The following TMEM160 variants were observed in gnomAD, a reference collection of about 807,000 sequenced individuals.
TMEM160 encodes the protein transmembrane protein 160.
A neutral mutation model predicts 13.9 loss-of-function variants in TMEM160; 10 were observed. That is an observed-to-expected ratio of 0.72 (90% CI 0.45 to 1.22). TMEM160 has a LOEUF of 1.22. Ranked by LOEUF, TMEM160 falls within the 50% of genes most tolerant of loss-of-function variation. The pLI is 0.00. For synonymous variants in TMEM160, 159 were observed against 134.8 expected (o/e 1.18, Z -1.25); for missense variants, 287 against 283.2 (o/e 1.01, Z -0.10).
At chr19:47,047,868 AAAC>A in intron 1 of TMEM160, 1 of 984,208 alleles carries the variant, frequency 1.0e-6, no homozygotes, top group Non-Finnish European at 1.2e-6. Flanking sequence ...ATTAAAAAAA[AAAC>A]AAACATGGCC....
At chr19:47,048,292 C>A (rs1305472840) in intron 1 of TMEM160, 115 bp downstream of exon 1, 11 of 969,174 alleles carry the variant, frequency 1.1e-5, no homozygotes, top group African/African-American at 1.8e-5. Context: ...CACTGAAGCC[C>A]TTCTCGGAGC....
intron 1 of TMEM160, among the ~76,000 whole-genome samples, 190 bp downstream of exon 1, chr19:47,048,217 C>T (rs956420238): frequency 4.2e-4 from 64 of 152,222 alleles, no homozygotes; most frequent in Non-Finnish European, 3.8e-4. Flanking sequence ...GGTCCTCGTC[C>T]TCCCCGCAAG....
chr19:47,046,533 A>C (rs1862499), intron 2 of TMEM160, 60 bp downstream of exon 2: 1 of 1,367,090 alleles, frequency 7.3e-7, no homozygotes, highest in South Asian at 1.2e-5. Flanking sequence ...TCACCAGGGC[A>C]GGTGATAGGG....
chr19:47,048,074 C>G (rs573734328), intron 1 of TMEM160, among the ~76,000 whole-genome samples: 1 of 152,116 alleles, frequency 6.6e-6, no homozygotes, highest in South Asian at 2.1e-4. Context: ...TCGGGATGGA[C>G]CCATCTTGTA....
chr19:47,046,795 CAGCCGCAAGGCA>C, intron 1 of TMEM160, 110 bp from the exon 2 acceptor site: 1 of 804,176 alleles, frequency 1.2e-6, no homozygotes, highest in Non-Finnish European at 2.1e-6. Flanking sequence ...CCATCCCATC[CAGCCGCAAGGCA>C]AGCCCATCCC....
chr19:47,046,676 G>A lies in TMEM160; in HGVS notation c.218C>T (p.Ser73Phe). The change falls in exon 2 of 3, where the codon TCC becomes TTC. Residue 73 changes from serine to phenylalanine, a missense_variant. Ser to Phe is a radical substitution (Grantham distance 155). Coordinates refer to ENST00000253047, the MANE Select transcript of TMEM160 (RefSeq NM_017854.2). ...LRKAHETAFL[S>F]WFRNGLLASG... ...TGCCAGGAGGCCATTGCGGAACCAGGAGAGGAAGGCTGGAGGGAGGGGGAC... is the reference window on the plus strand; with the variant it reads ...TGCCAGGAGGCCATTGCGGAACCAGAAGAGGAAGGCTGGAGGGAGGGGGAC... The A allele has an allele frequency of 1.2e-6, 2 of 1,612,864 alleles. No homozygotes were observed. The highest frequency in any genetic ancestry group is 1.7e-6 in the Non-Finnish European group (2 of 1,179,726).
rs772204961 is a variant in TMEM160, at chr19:47,048,515, G to C, written c.100C>G (p.Arg34Gly). The C allele has an allele frequency of 2.0e-6, 3 of 1,469,594 alleles. No homozygotes were observed. In the South Asian group the frequency reaches 3.9e-5, roughly 19 times the overall value. 91.0% of individuals were successfully genotyped at this position (1,469,594 alleles called of 1,614,324 possible). A position where few individuals can be genotyped will look rare whatever the true frequency, so the allele number is the denominator to read the frequency against. ...PPQRPRSGGARGSFAPGHGPR... is the reference protein window; with the variant it reads ...PPQRPRSGGAGGSFAPGHGPR... ...CCGTGGCCGGGGGCGAAGGACCCCC[G>C]GGCGCCCCCGCTCCGGGGCCGCTGA... Residue 34 changes from arginine to glycine, a missense_variant, in exon 1 of 3, where the codon CGG (arginine) becomes GGG (glycine). By Grantham distance (125) the Arg-to-Gly change is moderately radical. Transcript: ENST00000253047.
chr19:47,048,105 G>A (rs1402517948), intron 1 of TMEM160, among the ~76,000 whole-genome samples: 1 of 150,202 alleles, frequency 6.7e-6, no homozygotes, highest in East Asian at 1.9e-4. Context: ...CAGACCCTAA[G>A]CTCTCCCTGA....
intron 1 of TMEM160, chr19:47,047,448 G>T (rs1374042118): frequency 1.0e-6 from 1 of 984,710 alleles, no homozygotes; most frequent in Admixed American, 6.2e-5. Context: ...ACCGAGTATG[G>T]CCTGGGCCAA....
chr19:47,046,612 C>G lies in TMEM160; in HGVS notation c.282G>C (p.Met94Ile), dbSNP rs978848393. ...ACTCACCATATGCTGCTTCCCGACCCATGTCACTCTGCATGAAGGAGATGA... is the reference window on the plus strand; with the variant it reads ...ACTCACCATATGCTGCTTCCCGACCGATGTCACTCTGCATGAAGGAGATGA... The part of the protein sequence containing the change: ...IGVISFMQSD[M>I]GREAAYGFFL... The change falls in exon 2 of 3, where the codon ATG becomes ATC. Residue 94 changes from methionine (M) to isoleucine (I), a missense_variant. By Grantham distance (10) the Met-to-Ile change is conservative (BLOSUM62 1). Coordinates refer to ENST00000253047, the MANE Select transcript of TMEM160 (RefSeq NM_017854.2). 3 of 1,613,470 alleles carry G rather than the reference C, an allele frequency of 1.9e-6. No homozygotes were observed. Among genetic ancestry groups the G allele is most frequent in the African/African-American group, 2.7e-5 (2 of 74,944 alleles).
chr19:47,046,024 T>A lies in TMEM160; in HGVS notation c.530A>T (p.Glu177Val). 6.5e-7 allele frequency: 1 copy of A among 1,549,202 alleles called. No homozygotes were observed. Among genetic ancestry groups the A allele is most frequent in the Non-Finnish European group, 8.7e-7 (1 of 1,154,818 alleles). The change falls in exon 3 of 3, where the codon GAA becomes GTA. Residue 177 changes from glutamate to valine, a missense_variant. Physicochemically the swap from Glu to Val is moderately radical, Grantham distance 121. Transcript: ENST00000253047. ...VPEDDGTASA[E>V]GPDEAGRPPP... ...CGGCCGACCCGCCTCATCAGGGCCTTCCGCGGAGGCCGTCCCGTCGTCCTC... is the reference window on the plus strand; with the variant it reads ...CGGCCGACCCGCCTCATCAGGGCCTACCGCGGAGGCCGTCCCGTCGTCCTC...
intron 1 of TMEM160, chr19:47,047,911 T>G: frequency 1.0e-6 from 1 of 984,660 alleles, no homozygotes; most frequent in Non-Finnish European, 1.2e-6. Flanking sequence ...CTCGCCTCCG[T>G]CACAAGCCCC....
chr19:47,046,029 G>T lies in TMEM160; in HGVS notation c.525C>A (p.Ser175=). ...GACCCGCCTCATCAGGGCCTTCCGCGGAGGCCGTCCCGTCGTCCTCGGGCA... is the reference window on the plus strand; with the variant it reads ...GACCCGCCTCATCAGGGCCTTCCGCTGAGGCCGTCCCGTCGTCCTCGGGCA... The part of the protein sequence containing the change: ...ELVPEDDGTA[S]AEGPDEAGRP... Residue 175 remains serine, a synonymous_variant, in exon 3 of 3, where the codon TCC becomes TCA. Coordinates refer to ENST00000253047, the MANE Select transcript of TMEM160 (RefSeq NM_017854.2). 2.6e-6 allele frequency: 4 copies of T among 1,549,712 alleles called. No individual in the cohort carries two copies. The highest frequency in any genetic ancestry group is 3.5e-6 in the Non-Finnish European group (4 of 1,155,082).
chr19:47,048,003 A>C (rs1166254364), intron 1 of TMEM160: 1 of 888,532 alleles, frequency 1.1e-6, no homozygotes, highest in Non-Finnish European at 1.3e-6. Flanking sequence ...CCAATCCTGA[A>C]CTTCCCCCTC....
At chr19:47,047,715 G>A (rs1233749557) in intron 1 of TMEM160, 2 of 550,768 alleles carry the variant, frequency 3.6e-6, no homozygotes, top group African/African-American at 2.1e-5. Context: ...GTGCGGTGGT[G>A]TATGCCTGTA....
intron 1 of TMEM160, among the ~76,000 whole-genome samples, 183 bp downstream of exon 1, chr19:47,048,224 C>T (rs1256486258): frequency 2.0e-5 from 3 of 152,224 alleles, no homozygotes; most frequent in African/African-American, 7.2e-5. Context: ...GTCCTCCCCG[C>T]AAGCCCATCC....
In TMEM160 at chr19:47,048,401, A is replaced by G. The variant is rs1313426407; in HGVS notation, c.208+6T>C. The G allele has an allele frequency of 7.4e-6, 11 of 1,487,610 alleles. No individual in the cohort carries two copies. The highest frequency in any genetic ancestry group is 9.8e-6 in the Non-Finnish European group (11 of 1,127,786). 92.2% of individuals were successfully genotyped at this position (1,487,610 alleles called of 1,614,324 possible). A position where few individuals can be genotyped will look rare whatever the true frequency, so the allele number is the denominator to read the frequency against. On this transcript the variant is annotated splice_donor_region_variant and intron_variant, in intron 1 of 2. Transcript: ENST00000253047. ...ATCCGCACCGCCCCCACCCCTAGCC[A>G]CCGACCTGTCTCGTGCGCTTTTCGG...
intron 2 of TMEM160, 120 bp from the exon 3 acceptor site, chr19:47,046,372 G>A: frequency 2.4e-6 from 3 of 1,273,758 alleles, no homozygotes; most frequent in Non-Finnish European, 3.2e-6. Flanking sequence ...GCATCTTTGA[G>A]AATCAGATCG....
chr19:47,045,921 G>A lies in TMEM160; in HGVS notation c.*66C>T, dbSNP rs1268636972. The A allele has an allele frequency of 6.9e-7, 1 of 1,441,772 alleles. No homozygotes were observed. The allele number at this position is 1,441,772 out of a possible 1,614,324, so 89.3% of individuals were successfully genotyped here. A position where few individuals can be genotyped will look rare whatever the true frequency, so the allele number is the denominator to read the frequency against. On this transcript the variant is annotated 3_prime_UTR_variant, in exon 3 of 3. Coordinates refer to ENST00000253047, the MANE Select transcript of TMEM160 (RefSeq NM_017854.2). ...AATACTCTGCATCTGGAGGAGGGGA[G>A]GTCAGGTTTAATGTCCCAGTCCTCG...
Sources: gnomAD v4.1 joint callset for allele counts (sites outside exome capture counted in the v4.1 genomes callset) on GRCh38, gnomAD v4.1.1 for gene constraint, MANE v1.5 for transcripts, NCBI Gene and HGNC (gene_info 2026-07-23, HGNC 2026-07-21) for gene names.